IRAK1BP1: variants seen among roughly 807,000 people sequenced by gnomAD.
IRAK1BP1 encodes interleukin 1 receptor associated kinase 1 binding protein 1.
IRAK1BP1 carries 24 observed loss-of-function variants against 28.0 expected under a neutral mutation model. The ratio of observed to expected loss-of-function variants is 0.86; its 90% CI spans 0.62 to 1.20. IRAK1BP1 has a LOEUF of 1.20. Ranked by LOEUF, IRAK1BP1 falls within the 50% of genes most tolerant of loss-of-function variation. The probability of loss-of-function intolerance (pLI) is 0.00; values close to 1 mark genes in which losing one functional copy is unlikely to be tolerated. For synonymous variants in IRAK1BP1, 131 were observed against 116.3 expected (o/e 1.13, Z -0.81); for missense variants, 336 against 316.7 (o/e 1.06, Z -0.46).
chr6:78,978,026 T>A, the IRAK1BP1 span, among the ~76,000 whole-genome samples: 2 of 152,144 alleles, frequency 1.3e-5, no homozygotes, highest in Admixed American at 6.5e-5. Flanking sequence ...ACATTAACCT[T>A]GAGTAAAAAA....
chr6:78,946,631 G>T, downstream of IRAK1BP1: 1 of 1,467,184 alleles, frequency 6.8e-7, no homozygotes, highest in Non-Finnish European at 8.9e-7. Context: ...AATAGTAAAG[G>T]AAGTATTAAA....
At chr6:78,955,038 A>G in the IRAK1BP1 span, 25 of 1,048,936 alleles carry the variant, frequency 2.4e-5, no homozygotes, top group Admixed American at 6.9e-4. Context: ...ATGTAGTCTT[A>G]GATAATTGGG....
the IRAK1BP1 span, chr6:78,978,739 A>G: frequency 6.4e-6 from 10 of 1,552,556 alleles, no homozygotes; most frequent in Non-Finnish European, 7.9e-6. Flanking sequence ...ATAATTGTTA[A>G]GTAATAATCA....
chr6:78,917,420 G>A lies in IRAK1BP1; in HGVS notation c.*67+14310G>A, dbSNP rs142902357. Among the ~76,000 whole-genome samples the A allele has an allele frequency of 8.2e-3, 1,243 of 151,978 alleles. 20 individuals carry two copies. Among genetic ancestry groups the A allele is most frequent in the African/African-American group, 0.022 (931 of 41,454 alleles). ...AAGTCTTTGAGAAGTATGGAATAAC[G>A]TACAGCAACCAAACCTACAAATTGT... is the stretch of plus-strand genomic sequence containing the variant. On this transcript the variant is annotated intron_variant and NMD_transcript_variant, in intron 4 of 4. Coordinates refer to the IRAK1BP1 transcript ENST00000606868.
chr6:78,933,745 G>C (rs925469509), intron 4 of IRAK1BP1, among the ~76,000 whole-genome samples: 1 of 147,346 alleles, frequency 6.8e-6, no homozygotes, highest in Admixed American at 6.8e-5. Context: ...GCCCTTCTCT[G>C]GATTAGGTTT....
intron 4 of IRAK1BP1, chr6:78,937,654 G>C (rs918130923): frequency 6.7e-6 from 1 of 150,134 alleles, no homozygotes; most frequent in African/African-American, 2.4e-5. Context: ...TAGTGAAGTT[G>C]TGCAATAAAA....
chr6:78,955,781 A>G, the IRAK1BP1 span: 1 of 507,276 alleles, frequency 2.0e-6, no homozygotes, highest in East Asian at 3.2e-5. Context: ...TAAAAGTTGA[A>G]GCTGAAGGCT....
intron 2 of IRAK1BP1, among the ~76,000 whole-genome samples, chr6:78,886,560 A>G (rs757687008): frequency 6.6e-6 from 1 of 152,214 alleles, no homozygotes; most frequent in Non-Finnish European, 1.5e-5. Context: ...GTAGTATGTT[A>G]TAGCACTCCT....
intron 4 of IRAK1BP1, among the ~76,000 whole-genome samples, chr6:78,933,668 CTTTTT>C (rs35416532): frequency 5.1e-5 from 7 of 136,622 alleles, no homozygotes; most frequent in Admixed American, 3.6e-4. Flanking sequence ...TAGCTTCCAA[CTTTTT>C]TTTTTTTTTT....
the IRAK1BP1 span, chr6:78,970,922 T>C: frequency 7.0e-7 from 1 of 1,438,710 alleles, no homozygotes; most frequent in Non-Finnish European, 9.6e-7. Context: ...ACAACCTGGA[T>C]GTGTTTCCTT....
chr6:78,876,356 A>G (rs1216615947), intron 1 of IRAK1BP1, among the ~76,000 whole-genome samples: 1 of 152,190 alleles, frequency 6.6e-6, no homozygotes, highest in Non-Finnish European at 1.5e-5. Context: ...ACCCAAACTC[A>G]GGTAGTATCT....
intron 1 of IRAK1BP1, chr6:78,871,665 T>A (rs1403889690): frequency 2.8e-6 from 1 of 351,838 alleles, no homozygotes; most frequent in African/African-American, 2.2e-5. Context: ...GATAGGGCTG[T>A]TTATAGATGA....
the IRAK1BP1 span, among the ~76,000 whole-genome samples, chr6:78,970,337 T>A: frequency 3.3e-5 from 5 of 152,080 alleles, no homozygotes. Flanking sequence ...ATTTGTGCAC[T>A]TTATAGTATG....
the IRAK1BP1 span, chr6:78,958,386 T>C: frequency 1.2e-6 from 1 of 869,150 alleles, no homozygotes; most frequent in Non-Finnish European, 1.8e-6. Flanking sequence ...TGTTTCTTCT[T>C]TACAAACAGT....
chr6:78,933,488 G>A (rs1001666997), intron 4 of IRAK1BP1, among the ~76,000 whole-genome samples: 15 of 152,156 alleles, frequency 9.9e-5, no homozygotes, highest in African/African-American at 3.4e-4. Context: ...GGTGGCAGGC[G>A]CCTGTAATCC....
intron 2 of IRAK1BP1, 72 bp from the exon 3 acceptor site, chr6:78,897,757 T>C: frequency 7.4e-7 from 1 of 1,356,146 alleles, no homozygotes; most frequent in Non-Finnish European, 1.0e-6. Flanking sequence ...ATACTTTTTT[T>C]ACTTACATGT....
the IRAK1BP1 span, among the ~76,000 whole-genome samples, chr6:78,977,847 TAA>T: frequency 6.6e-6 from 1 of 152,298 alleles, no homozygotes; most frequent in African/African-American, 2.4e-5. Flanking sequence ...ACTCTAGCAT[TAA>T]AAAGTTTTTG....
At chr6:78,944,725 C>T (rs1478004907) in intron 4 of IRAK1BP1, among the ~76,000 whole-genome samples, 1 of 152,182 alleles carries the variant, frequency 6.6e-6, no homozygotes, top group African/African-American at 2.4e-5. Context: ...ATGTCTTAGA[C>T]ACACTTTGAA....
chr6:78,952,038 GT>G, the IRAK1BP1 span, among the ~76,000 whole-genome samples: 5 of 152,084 alleles, frequency 3.3e-5, no homozygotes, highest in African/African-American at 1.2e-4. Flanking sequence ...CAATTGTTGA[GT>G]TTTTTTCACT....
Sources: allele counts gnomAD v4.1 joint callset (sites outside exome capture counted in the v4.1 genomes callset), GRCh38; gene constraint gnomAD v4.1.1; transcripts MANE v1.5; gene names NCBI Gene and HGNC (gene_info 2026-07-23, HGNC 2026-07-21).